UBE2E2: variants seen among roughly 807,000 people sequenced by gnomAD.
UBE2E2 encodes ubiquitin conjugating enzyme E2 E2, also known as ubiquitin-conjugating enzyme E2 E2.
UBE2E2 carries 6 observed loss-of-function variants against 24.7 expected under a neutral mutation model. The ratio of observed to expected loss-of-function variants is 0.24; its 90% CI spans 0.13 to 0.48. The LOEUF is 0.48. Among genes scored for constraint, UBE2E2 ranks in the 20% least tolerant of loss-of-function variants. The pLI, the probability that UBE2E2 is intolerant of heterozygous loss-of-function variation, is 0.99. For synonymous variants in UBE2E2, 104 were observed against 83.6 expected (o/e 1.24, Z -1.33); for missense variants, 169 against 245.0 (o/e 0.69, Z 2.07).
intron 3 of UBE2E2, among the ~76,000 whole-genome samples, chr3:23,272,110 C>G (rs757155231): frequency 5.9e-5 from 9 of 152,172 alleles, no homozygotes; most frequent in Non-Finnish European, 1.0e-4. Context: ...TCGGTCCATG[C>G]TGGAGCCCAC....
chr3:23,547,906 C>T (rs1177446522), intron 5 of UBE2E2, among the ~76,000 whole-genome samples: 1 of 152,142 alleles, frequency 6.6e-6, no homozygotes, highest in East Asian at 1.9e-4. Context: ...AACTTTTATG[C>T]CCAGAGGATT....
intron 3 of UBE2E2, chr3:23,389,631 G>T: frequency 3.8e-6 from 1 of 265,960 alleles, no homozygotes. Flanking sequence ...GGGGGCTTTT[G>T]TCTTATTTTG....
At chr3:23,363,935 C>A (rs1696193676) in intron 3 of UBE2E2, among the ~76,000 whole-genome samples, 1 of 151,190 alleles carries the variant, frequency 6.6e-6, no homozygotes, top group Non-Finnish European at 1.5e-5. Flanking sequence ...AAAAAACTTA[C>A]CAAACACACT....
chr3:23,208,270 C>G (rs983979900), intron 1 of UBE2E2, among the ~76,000 whole-genome samples: 6 of 152,080 alleles, frequency 3.9e-5, no homozygotes, highest in Admixed American at 3.3e-4. Context: ...AGTTTGTGGT[C>G]CTTTGTGGCT....
intron 3 of UBE2E2, among the ~76,000 whole-genome samples, chr3:23,401,523 T>C (rs1462007067): frequency 2.6e-5 from 4 of 152,162 alleles, no homozygotes; most frequent in Non-Finnish European, 5.9e-5. Context: ...TGCGCTCTTG[T>C]CTGATGGCCT....
rs540751078 is a variant in UBE2E2, at chr3:23,372,183, T to C, written c.228-127425T>C. Among the ~76,000 whole-genome samples the C allele has an allele frequency of 4.3e-4, 65 of 152,274 alleles. No homozygotes were observed. The Middle Eastern group carries it at 0.01, about 24-fold the overall frequency. Reference sequence around the variant, plus strand: ...ATAAATAAAACTTAATGTTTATACATTTTGCTGTATGTAAATTATATCTCA... The same window carrying C: ...ATAAATAAAACTTAATGTTTATACACTTTGCTGTATGTAAATTATATCTCA... On this transcript the variant is annotated intron_variant, in intron 3 of 5. Coordinates refer to ENST00000396703, the MANE Select transcript of UBE2E2 (RefSeq NM_152653.4).
chr3:23,221,338 C>T (rs1696633222), intron 3 of UBE2E2, among the ~76,000 whole-genome samples: 1 of 152,010 alleles, frequency 6.6e-6, no homozygotes, highest in African/African-American at 2.4e-5. Flanking sequence ...TTCACTTATA[C>T]TTTTAGGTTT....
At chr3:23,276,639 G>C (rs1403123998) in intron 3 of UBE2E2, among the ~76,000 whole-genome samples, 1 of 152,108 alleles carries the variant, frequency 6.6e-6, no homozygotes, top group Non-Finnish European at 1.5e-5. Flanking sequence ...AATTAAGCTT[G>C]AGTGCAGCAA....
At chr3:23,311,809 C>CT (rs1694403154) in intron 3 of UBE2E2, among the ~76,000 whole-genome samples, 1 of 152,256 alleles carries the variant, frequency 6.6e-6, no homozygotes, top group East Asian at 1.9e-4. Flanking sequence ...TTGACACAGG[C>CT]TTACACATCA....
At chr3:23,512,040 T>C (rs1012286288) in intron 4 of UBE2E2, among the ~76,000 whole-genome samples, 7 of 152,092 alleles carry the variant, frequency 4.6e-5, no homozygotes, top group African/African-American at 1.7e-4. Flanking sequence ...ACATAGCTAA[T>C]AAGGCCAGGG....
intron 3 of UBE2E2, among the ~76,000 whole-genome samples, chr3:23,300,644 G>T (rs1261549548): frequency 6.6e-6 from 1 of 152,168 alleles, no homozygotes; most frequent in African/African-American, 2.4e-5. Flanking sequence ...AGTTTCTGCC[G>T]AGAGATCAGC....
At chr3:23,305,711 A>C (rs1444534586) in intron 3 of UBE2E2, among the ~76,000 whole-genome samples, 1 of 152,032 alleles carries the variant, frequency 6.6e-6, no homozygotes, top group African/African-American at 2.4e-5. Context: ...ACAGTTATTA[A>C]AATGTAGTAA....
At position 23,334,688 on chromosome 3, in the gene UBE2E2, T is replaced by C. The variant is rs1236593838; in HGVS notation, c.227+117376T>C. The stretch of plus-strand genomic sequence containing the variant: ...AAGCTGTACTAGCATATTTTGGTAC[T>C]GATGAAAGATCAACTGTATTATGTT... On this transcript the variant is annotated intron_variant, in intron 3 of 5. Coordinates refer to ENST00000396703, the MANE Select transcript of UBE2E2 (RefSeq NM_152653.4). Among the ~76,000 whole-genome samples, 3 of 152,232 alleles carry C rather than the reference T, an allele frequency of 2.0e-5. No individual in the cohort carries two copies. The East Asian group carries it at 5.8e-4, about 29-fold the overall frequency.
chr3:23,435,712 A>G (rs1490994872), intron 3 of UBE2E2, among the ~76,000 whole-genome samples: 1 of 152,220 alleles, frequency 6.6e-6, no homozygotes, highest in Non-Finnish European at 1.5e-5. Context: ...TCAAGCTGAC[A>G]AGAAACTGAA....
chr3:23,319,520 C>T (rs1468635595), intron 3 of UBE2E2, among the ~76,000 whole-genome samples: 2 of 152,120 alleles, frequency 1.3e-5, no homozygotes, highest in Non-Finnish European at 2.9e-5. Flanking sequence ...ATTCTTACAA[C>T]AATCCTGTGA....
intron 3 of UBE2E2, among the ~76,000 whole-genome samples, chr3:23,354,942 C>T (rs369660067): frequency 9.9e-5 from 15 of 151,952 alleles, no homozygotes; most frequent in Middle Eastern, 3.4e-3. Context: ...ATGTTTATTG[C>T]GGCACTATTC....
chr3:23,296,024 A>G (rs993285240), intron 3 of UBE2E2, among the ~76,000 whole-genome samples: 15 of 152,194 alleles, frequency 9.9e-5, no homozygotes, highest in Non-Finnish European at 2.1e-4. Flanking sequence ...TAGCTCTCAT[A>G]GCTTCAAACA....
intron 3 of UBE2E2, among the ~76,000 whole-genome samples, chr3:23,270,086 T>G (rs1698191583): frequency 6.6e-6 from 1 of 150,894 alleles, no homozygotes; most frequent in Non-Finnish European, 1.5e-5. Context: ...CCAGCAGCAA[T>G]GAGCTAGGCA....
chr3:23,425,517 A>G (rs1226873928), intron 3 of UBE2E2, among the ~76,000 whole-genome samples: 5 of 152,218 alleles, frequency 3.3e-5, no homozygotes, highest in Non-Finnish European at 5.9e-5. Context: ...AAAAATTAAC[A>G]GTTCTTCTTA....
Sources: allele counts gnomAD v4.1 joint callset (sites outside exome capture counted in the v4.1 genomes callset), GRCh38; gene constraint gnomAD v4.1.1; transcripts MANE v1.5; gene names NCBI Gene and HGNC (gene_info 2026-07-23, HGNC 2026-07-21).